The following CRPPA variants were observed in gnomAD, a reference collection of about 807,000 sequenced individuals.
CRPPA encodes D-ribitol-5-phosphate cytidylyltransferase.
CRPPA carries 43 observed loss-of-function variants against 52.0 expected under a neutral mutation model. The ratio of observed to expected loss-of-function variants is 0.83; its 90% CI spans 0.65 to 1.07. The LOEUF is 1.07. Ranked by LOEUF, CRPPA falls within the 50% of genes least tolerant of loss-of-function variation. CRPPA has a pLI of 0.00. For missense variants in CRPPA, 629 were observed against 551.7 expected (o/e 1.14, Z -1.40); for synonymous variants, 250 against 203.5 (o/e 1.23, Z -1.94).
intron 3 of CRPPA, among the ~76,000 whole-genome samples, chr7:16,357,773 C>T (rs1399826352): frequency 1.3e-5 from 2 of 152,180 alleles, no homozygotes; most frequent in Admixed American, 1.3e-4. Context: ...TAAGACAGAA[C>T]TCAGAGATAC....
intron 8 of CRPPA, among the ~76,000 whole-genome samples, chr7:16,246,556 A>G (rs1478569021): frequency 3.3e-5 from 5 of 152,238 alleles, no homozygotes; most frequent in Non-Finnish European, 7.3e-5. Flanking sequence ...TACACAAGGT[A>G]TTTCTTCAAA....
At chr7:16,303,202 T>C (rs1378046524) in intron 4 of CRPPA, among the ~76,000 whole-genome samples, 2 of 152,158 alleles carry the variant, frequency 1.3e-5, no homozygotes, top group Admixed American at 1.3e-4. Flanking sequence ...ATCTGTGTTA[T>C]CAAGTTAGCT....
At chr7:16,414,400 C>T (rs1008400940) in intron 1 of CRPPA, among the ~76,000 whole-genome samples, 2 of 137,924 alleles carry the variant, frequency 1.5e-5, no homozygotes, top group African/African-American at 5.6e-5. Flanking sequence ...CACACACACA[C>T]ACCCCATGAC....
intron 6 of CRPPA, among the ~76,000 whole-genome samples, chr7:16,262,696 T>C (rs1783840816): frequency 6.6e-6 from 1 of 152,216 alleles, no homozygotes; most frequent in African/African-American, 2.4e-5. Flanking sequence ...TATTTTCTAC[T>C]TTTAAAGGAT....
chr7:16,098,159 C>T (rs969023914), intron 9 of CRPPA, among the ~76,000 whole-genome samples: 1 of 152,106 alleles, frequency 6.6e-6, no homozygotes, highest in Non-Finnish European at 1.5e-5. Context: ...TGGTGGAATG[C>T]CATCTCAAAG....
chr7:16,191,359 C>T lies in CRPPA; in HGVS notation c.1251+24707G>A, dbSNP rs181118523. On this transcript the variant is annotated intron_variant, in intron 9 of 9. Coordinates refer to ENST00000407010, the MANE Select transcript of CRPPA (RefSeq NM_001101426.4). ...TGCGTAATTATGAATTTAGAAATAC[C>T]TTTAAATTATCTTCATCAGTTATAA... Among the ~76,000 whole-genome samples, 267 of 152,088 alleles carry T rather than the reference C, an allele frequency of 1.8e-3. 1 individual carries two copies. The highest frequency in any genetic ancestry group is 6.1e-3 in the African/African-American group (252 of 41,490).
chr7:16,329,932 T>G (rs1451940489), intron 3 of CRPPA, among the ~76,000 whole-genome samples: 1 of 152,224 alleles, frequency 6.6e-6, no homozygotes, highest in Non-Finnish European at 1.5e-5. Context: ...TAATATTGAT[T>G]GTTTCAAACA....
intron 6 of CRPPA, chr7:16,270,058 G>A (rs919301894): frequency 4.6e-5 from 7 of 152,042 alleles, no homozygotes; most frequent in African/African-American, 1.7e-4. Context: ...CTTTTTGTAC[G>A]GATTTTCCTT....
intron 9 of CRPPA, among the ~76,000 whole-genome samples, chr7:16,191,790 C>T (rs1781618583): frequency 6.6e-6 from 1 of 152,078 alleles, no homozygotes; most frequent in Non-Finnish European, 1.5e-5. Context: ...ATCTGGGATC[C>T]TCAATGCCTC....
chr7:16,275,072 T>C (rs924014136), intron 6 of CRPPA, among the ~76,000 whole-genome samples: 7 of 151,676 alleles, frequency 4.6e-5, no homozygotes, highest in African/African-American at 1.7e-4. Context: ...TGAGACAGTG[T>C]CTAAAAAAAA....
chr7:16,179,412 A>G (rs1781367389), intron 9 of CRPPA, among the ~76,000 whole-genome samples: 1 of 152,086 alleles, frequency 6.6e-6, no homozygotes. Flanking sequence ...AGATCTTGAA[A>G]TGAGAAGGTT....
intron 9 of CRPPA, among the ~76,000 whole-genome samples, chr7:16,188,468 G>C (rs1180821755): frequency 6.6e-6 from 1 of 152,096 alleles, no homozygotes; most frequent in Non-Finnish European, 1.5e-5. Flanking sequence ...TTTAAACAAT[G>C]CATCACATAG....
At chr7:16,408,128 AAT>A (rs1787999365) in intron 1 of CRPPA, among the ~76,000 whole-genome samples, 2 of 151,738 alleles carry the variant, frequency 1.3e-5, no homozygotes, top group Non-Finnish European at 2.9e-5. Context: ...AAAATAAAAA[AAT>A]AACTTATCAG....
intron 3 of CRPPA, among the ~76,000 whole-genome samples, chr7:16,318,897 A>G (rs1256407703): frequency 6.6e-6 from 1 of 152,166 alleles, no homozygotes; most frequent in African/African-American, 2.4e-5. Context: ...AAGAATTGAG[A>G]CTAATAATTT....
intron 1 of CRPPA, among the ~76,000 whole-genome samples, chr7:16,420,523 G>C (rs1788301451): frequency 6.6e-6 from 1 of 152,036 alleles, no homozygotes. Context: ...TCAAATTCAG[G>C]CTTAAAGCCC....
intron 9 of CRPPA, among the ~76,000 whole-genome samples, chr7:16,202,900 C>T (rs1405324529): frequency 6.6e-6 from 1 of 152,130 alleles, no homozygotes; most frequent in African/African-American, 2.4e-5. Flanking sequence ...GTGACCCACC[C>T]TTTCCTTCCT....
chr7:16,089,486 G>C lies in CRPPA; in HGVS notation c.*2209C>G, dbSNP rs1321411053. 1 of 297,352 alleles carries C rather than the reference G, an allele frequency of 3.4e-6. No homozygotes were observed. The highest frequency in any genetic ancestry group is 7.3e-6 in the Non-Finnish European group (1 of 136,066). 18.4% of individuals were successfully genotyped at this position (297,352 alleles called of 1,614,324 possible). A position where few individuals can be genotyped will look rare whatever the true frequency, so the allele number is the denominator to read the frequency against. On this transcript the variant is annotated 3_prime_UTR_variant, in exon 10 of 10. Transcript: ENST00000407010. ...GTATATATGTACGTACATATATACGGGTATATATGTACGTACATACATAGA... is the reference window on the plus strand; with the variant it reads ...GTATATATGTACGTACATATATACGCGTATATATGTACGTACATACATAGA...
intron 9 of CRPPA, among the ~76,000 whole-genome samples, chr7:16,116,542 G>A (rs548910643): frequency 1.3e-5 from 2 of 151,836 alleles, no homozygotes; most frequent in African/African-American, 4.8e-5. Context: ...GCACTTGCCT[G>A]TAATCCCAGC....
intron 4 of CRPPA, among the ~76,000 whole-genome samples, chr7:16,305,354 T>G (rs1176066371): frequency 6.6e-6 from 1 of 152,148 alleles, no homozygotes; most frequent in African/African-American, 2.4e-5. Context: ...TGTAAGACAT[T>G]TTCCCCAATC....
Sources: gnomAD v4.1 joint callset for allele counts (sites outside exome capture counted in the v4.1 genomes callset) on GRCh38, gnomAD v4.1.1 for gene constraint, MANE v1.5 for transcripts, NCBI Gene and HGNC (gene_info 2026-07-23, HGNC 2026-07-21) for gene names.